The following PRKN variants were observed in gnomAD, a reference collection of about 807,000 sequenced individuals.
The protein encoded by PRKN is parkin RBR E3 ubiquitin protein ligase.
A neutral mutation model predicts 59.5 loss-of-function variants in PRKN; 56 were observed. That is an observed-to-expected ratio of 0.94 (90% CI 0.76 to 1.18). PRKN has a LOEUF of 1.18. PRKN is among the 50% of genes most tolerant of loss of function. The pLI is 0.00. For missense variants in PRKN, 657 were observed against 596.4 expected, an observed-to-expected ratio of 1.10 and a Z score of -1.06; for synonymous variants, 250 against 222.1, an observed-to-expected ratio of 1.13 and a Z score of -1.12.
intron 2 of PRKN, among the ~76,000 whole-genome samples, chr6:162,371,196 G>A (rs1033098382): frequency 6.6e-6 from 1 of 152,182 alleles, no homozygotes; most frequent in African/African-American, 2.4e-5. Context: ...TAGAGAAGAA[G>A]GGACACTGCT....
At position 162,538,127 on chromosome 6, in the gene PRKN, G is replaced by A. The variant is rs188700622; in HGVS notation, c.8-94654C>T. On this transcript the variant is annotated intron_variant, in intron 1 of 11. Transcript: ENST00000366898. ...AATACCCAAATACCTCGGCGGGTGC[G>A]GTGGCTCACGCCTGTAATCCCAGCA... 3.4e-3 allele frequency among the ~76,000 whole-genome samples: 514 copies of A among 152,240 alleles called. 10 individuals carry two copies. Among genetic ancestry groups the A allele is most frequent in the Admixed American group, 0.023 (354 of 15,274 alleles).
At chr6:162,300,710 T>C (rs1384838966) in intron 2 of PRKN, among the ~76,000 whole-genome samples, 1 of 152,108 alleles carries the variant, frequency 6.6e-6, no homozygotes, top group Non-Finnish European at 1.5e-5. Flanking sequence ...AAAAGACCAC[T>C]GAGCTGCCAC....
intron 2 of PRKN, among the ~76,000 whole-genome samples, chr6:162,342,725 A>G (rs888462113): frequency 3.9e-5 from 6 of 152,202 alleles, no homozygotes; most frequent in African/African-American, 1.2e-4. Flanking sequence ...CATTTGCCGC[A>G]TGACACAGAC....
At chr6:162,413,316 G>A (rs973411237) in intron 2 of PRKN, among the ~76,000 whole-genome samples, 12 of 152,144 alleles carry the variant, frequency 7.9e-5, no homozygotes, top group African/African-American at 2.9e-4. Context: ...AAGAGTAAAT[G>A]ATTTATGGAG....
At chr6:162,518,490 T>C (rs926102545) in intron 1 of PRKN, among the ~76,000 whole-genome samples, 1 of 152,156 alleles carries the variant, frequency 6.6e-6, no homozygotes, top group African/African-American at 2.4e-5. Context: ...CTCAGCCTCC[T>C]GAGTTAGCTG....
intron 1 of PRKN, among the ~76,000 whole-genome samples, chr6:162,526,292 C>A (rs1207493838): frequency 1.4e-5 from 2 of 138,808 alleles, no homozygotes; most frequent in African/African-American, 2.7e-5. Flanking sequence ...ACAACTACTA[C>A]AAAATACTTG....
intron 8 of PRKN, 151 bp downstream of exon 8, chr6:161,569,204 G>GTCCT: frequency 1.4e-6 from 1 of 706,222 alleles, no homozygotes; most frequent in African/African-American, 1.7e-5. Context: ...GGAAAAAAGT[G>GTCCT]TCCTCACACA....
chr6:161,605,424 G>A (rs369902340), intron 7 of PRKN, among the ~76,000 whole-genome samples: 26 of 152,110 alleles, frequency 1.7e-4, no homozygotes, highest in African/African-American at 6.3e-4. Context: ...ATGGCCATAG[G>A]TAATAGCAAT....
intron 4 of PRKN, among the ~76,000 whole-genome samples, chr6:162,110,874 A>C (rs1335605459): frequency 1.3e-5 from 2 of 152,180 alleles, no homozygotes; most frequent in African/African-American, 4.8e-5. Context: ...ACCTGAACAT[A>C]CCATGAGGAA....
At chr6:162,291,667 G>C (rs181506012) in intron 2 of PRKN, among the ~76,000 whole-genome samples, 1 of 152,202 alleles carries the variant, frequency 6.6e-6, no homozygotes, top group South Asian at 2.1e-4. Flanking sequence ...AGAATTTCCC[G>C]TAAAAAGATG....
chr6:161,579,854 G>T lies in PRKN; in HGVS notation c.872-10438C>A, dbSNP rs1353312928. ...TTCAGTACTTTCCCTTGTCACTTTA[G>T]TTCTGTGCATTTGGTTTCTTTTATT... On this transcript the variant is annotated intron_variant, in intron 7 of 11. Coordinates refer to ENST00000366898, the MANE Select transcript of PRKN (RefSeq NM_004562.3). The surrounding 1 kb of genome is among the most constrained non-coding windows in gnomAD (Gnocchi z 4.2). Among the ~76,000 whole-genome samples, 1 of 152,062 alleles carries T rather than the reference G, an allele frequency of 6.6e-6. No individual in the cohort carries two copies. The highest frequency in any genetic ancestry group is 1.5e-5 in the Non-Finnish European group (1 of 68,004).
In PRKN at chr6:162,186,744, G is replaced by C. The variant is rs539275079; in HGVS notation, c.534+14387C>G. Among the ~76,000 whole-genome samples the C allele has an allele frequency of 3.9e-5, 6 of 152,276 alleles. No individual in the cohort carries two copies. In the South Asian group the frequency reaches 1.2e-3, roughly 32 times the overall value. On this transcript the variant is annotated intron_variant, in intron 4 of 11. Coordinates refer to ENST00000366898, the MANE Select transcript of PRKN (RefSeq NM_004562.3). ...GAGTGAGCTTTCACAAGATCCGTTT[G>C]TTTAAAAGTGCGTAGCACCTCCTCC...
At chr6:162,278,163 T>C (rs564217943) in intron 2 of PRKN, among the ~76,000 whole-genome samples, 1 of 152,264 alleles carries the variant, frequency 6.6e-6, no homozygotes, top group South Asian at 2.1e-4. Context: ...AAAGAACCAA[T>C]TTGAAAAGGC....
At chr6:162,044,652 G>C (rs2128282908) in intron 5 of PRKN, among the ~76,000 whole-genome samples, 1 of 152,316 alleles carries the variant, frequency 6.6e-6, no homozygotes, top group African/African-American at 2.4e-5. Flanking sequence ...CTGGCACAGA[G>C]CAAGTGGCCA....
chr6:161,903,640 C>A (rs1778019563), intron 6 of PRKN, among the ~76,000 whole-genome samples: 2 of 152,038 alleles, frequency 1.3e-5, no homozygotes, highest in African/African-American at 4.8e-5. Context: ...TTATTCCTAA[C>A]AAAACCTACA....
chr6:161,691,073 T>TCCATCCATCCAC (rs1206933738), intron 7 of PRKN, among the ~76,000 whole-genome samples: 2 of 151,194 alleles, frequency 1.3e-5, no homozygotes, highest in Admixed American at 6.6e-5. Context: ...CATCCATCCA[T>TCCATCCATCCAC]CCACCCACCC....
chr6:162,297,715 A>G (rs1371743592), intron 2 of PRKN, among the ~76,000 whole-genome samples: 1 of 152,146 alleles, frequency 6.6e-6, no homozygotes, highest in Admixed American at 6.5e-5. Context: ...ATTAAAAACC[A>G]CATAGGACAA....
At chr6:162,050,546 T>C (rs1403968244) in intron 5 of PRKN, among the ~76,000 whole-genome samples, 1 of 152,094 alleles carries the variant, frequency 6.6e-6, no homozygotes, top group African/African-American at 2.4e-5. Flanking sequence ...CTAGACAATG[T>C]AGGTTCACCT....
chr6:162,201,137 C>A lies in PRKN; in HGVS notation c.528G>T (p.Leu176Phe), dbSNP rs371512669. ...TGACACTGCATTTCCTTACCTGGGT[C>A]AAGGTGAGCGTTGCCTGCCTGCAGG... is the stretch of plus-strand genomic sequence containing the variant. ...CSTCRQATLT[L>F]TQGPSCWDDV... Residue 176 changes from leucine to phenylalanine, a missense_variant, in exon 4 of 12, where the codon TTG (leucine) becomes TTT (phenylalanine). Coordinates refer to ENST00000366898, the MANE Select transcript of PRKN (RefSeq NM_004562.3). The A allele has an allele frequency of 5.0e-6, 8 of 1,614,006 alleles. No homozygotes were observed. Among genetic ancestry groups the A allele is most frequent in the African/African-American group, 1.3e-5 (1 of 74,926 alleles).
Sources: allele counts gnomAD v4.1 joint callset (sites outside exome capture counted in the v4.1 genomes callset), GRCh38; gene constraint gnomAD v4.1.1; non-coding constraint Gnocchi (gnomAD v3.1); transcripts MANE v1.5; gene names NCBI Gene and HGNC (gene_info 2026-07-23, HGNC 2026-07-21).